PCDHGA6: variants seen among roughly 807,000 people sequenced by gnomAD.
The protein encoded by PCDHGA6 is protocadherin gamma-A6.
PCDHGA6 carries 41 observed loss-of-function variants against 60.6 expected under a neutral mutation model. The ratio of observed to expected loss-of-function variants is 0.68; its 90% CI spans 0.53 to 0.88. PCDHGA6 has a LOEUF of 0.88. PCDHGA6 is among the 40% of genes least tolerant of loss of function. The pLI, the probability that PCDHGA6 is intolerant of heterozygous loss-of-function variation, is 0.00. For synonymous variants in PCDHGA6, 594 were observed against 524.4 expected, an observed-to-expected ratio of 1.13 and a Z score of -1.81; for missense variants, 1,312 against 1,203.0, an observed-to-expected ratio of 1.09 and a Z score of -1.34.
intron 1 of PCDHGA6, among the ~76,000 whole-genome samples, chr5:141,488,190 G>A (rs1162264945): frequency 1.3e-5 from 2 of 152,164 alleles, no homozygotes; most frequent in African/African-American, 4.8e-5. Flanking sequence ...CTTTTGGTCT[G>A]GGTCTTAGGA....
At position 141,395,404 on chromosome 5, in the gene PCDHGA6, T is replaced by G. The variant is rs1482913976; in HGVS notation, c.2424+18897T>G. 24 of 836,172 alleles carry G rather than the reference T, an allele frequency of 2.9e-5. No homozygotes were observed. The East Asian group carries it at 6.2e-4, about 21-fold the overall frequency. 51.8% of individuals were successfully genotyped at this position (836,172 alleles called of 1,614,324 possible). A position where few individuals can be genotyped will look rare whatever the true frequency, so the allele number is the denominator to read the frequency against. ...CTATAAAATTGAACTCTAATAGTCA[T>G]AGGTTATTGTTTCATTTGCTTTTAA... On this transcript the variant is annotated intron_variant, in intron 1 of 3. Transcript: ENST00000517434.
chr5:141,426,882 C>T, intron 1 of PCDHGA6: 1 of 456,664 alleles, frequency 2.2e-6, no homozygotes, highest in South Asian at 1.5e-5. Flanking sequence ...GCCCCTGGGC[C>T]AGGAGCAACA....
At chr5:141,414,861 T>C in intron 1 of PCDHGA6, 1 of 1,614,118 alleles carries the variant, frequency 6.2e-7, no homozygotes, top group Admixed American at 1.7e-5. Context: ...AGAACGACAA[T>C]GCGCCCGAGA....
At chr5:141,456,492 G>C (rs542424798) in intron 1 of PCDHGA6, among the ~76,000 whole-genome samples, 1 of 152,284 alleles carries the variant, frequency 6.6e-6, no homozygotes, top group African/African-American at 2.4e-5. Flanking sequence ...GCTTAATAAA[G>C]GGGTTAACCA....
At chr5:141,433,082 T>C in intron 1 of PCDHGA6, 1 of 1,614,188 alleles carries the variant, frequency 6.2e-7, no homozygotes. Flanking sequence ...CCAGCCCAAC[T>C]ATGCAGACAT....
intron 1 of PCDHGA6, among the ~76,000 whole-genome samples, chr5:141,455,160 G>GTT (rs59530096): frequency 1.3e-4 from 20 of 149,232 alleles, no homozygotes; most frequent in South Asian, 1.1e-3. Flanking sequence ...TAGTTTGTTG[G>GTT]TTTTTTTTTT....
At chr5:141,414,320 A>C (rs372261571) in intron 1 of PCDHGA6, 7 of 1,613,840 alleles carry the variant, frequency 4.3e-6, no homozygotes, top group Non-Finnish European at 5.9e-6. Flanking sequence ...GACTCTGAGC[A>C]GAATGGACAG....
chr5:141,418,244 C>G (rs746986702), intron 1 of PCDHGA6: 1 of 1,613,980 alleles, frequency 6.2e-7, no homozygotes. Flanking sequence ...TGTTAATGAC[C>G]ACGCCCCTCA....
intron 1 of PCDHGA6, chr5:141,415,853 GTAGT>G: frequency 2.5e-6 from 3 of 1,186,350 alleles, no homozygotes; most frequent in Non-Finnish European, 3.3e-6. Context: ...GCAGAACCTT[GTAGT>G]TTATAGTGTT....
At chr5:141,384,886 G>A in intron 1 of PCDHGA6, 1 of 1,613,822 alleles carries the variant, frequency 6.2e-7, no homozygotes. Context: ...ACTCACCGTG[G>A]CTGTGGCTGA....
intron 1 of PCDHGA6, chr5:141,388,630 T>G (rs754073337): frequency 6.2e-7 from 1 of 1,613,816 alleles, no homozygotes; most frequent in Admixed American, 1.7e-5. Context: ...GTATACAGGG[T>G]GAGCCTTTCA....
chr5:141,451,716 T>C (rs947058540), intron 1 of PCDHGA6, among the ~76,000 whole-genome samples: 1 of 152,092 alleles, frequency 6.6e-6, no homozygotes, highest in Non-Finnish European at 1.5e-5. Context: ...ACCCTGCCTC[T>C]ACTAAAAATA....
chr5:141,398,183 T>C, intron 1 of PCDHGA6: 1 of 1,477,856 alleles, frequency 6.8e-7, no homozygotes, highest in South Asian at 1.4e-5. Flanking sequence ...GTGCTCTTTC[T>C]CTTCCTGCTG....
chr5:141,459,581 G>A (rs945690319), intron 1 of PCDHGA6, among the ~76,000 whole-genome samples: 1 of 152,138 alleles, frequency 6.6e-6, no homozygotes, highest in Non-Finnish European at 1.5e-5. Flanking sequence ...AATTGTTTTG[G>A]GGGTCATATG....
chr5:141,428,091 T>A lies in PCDHGA6; in HGVS notation c.2424+51584T>A, dbSNP rs769710543. 1.1e-5 allele frequency: 17 copies of A among 1,609,000 alleles called. No homozygotes were observed. In the African/African-American group the frequency reaches 1.5e-4, roughly 14 times the overall value. On this transcript the variant is annotated intron_variant, in intron 1 of 3. Transcript: ENST00000517434. ...AGATTCGGGACACAACGCTTGGCTGTCCTACCACGTGCTGCAGGCCATCGA... is the reference window on the plus strand; with the variant it reads ...AGATTCGGGACACAACGCTTGGCTGACCTACCACGTGCTGCAGGCCATCGA...
Position 141,410,050 on chromosome 5 carries a change from C to T in PCDHGA6, c.2424+33543C>T, listed in dbSNP as rs762077790. ...TGCTGCAGGCCAGTGAGCCCGGACT[C>T]TTCAGCCTGGGGCTGCGCACTGGGG... On this transcript the variant is annotated intron_variant, in intron 1 of 3. Coordinates refer to ENST00000517434, the MANE Select transcript of PCDHGA6 (RefSeq NM_018919.3). The T allele has an allele frequency of 6.2e-6, 10 of 1,613,180 alleles. No homozygotes were observed. In the East Asian group the frequency reaches 1.6e-4, roughly 25 times the overall value.
chr5:141,509,144 G>C (rs969990007), intron 3 of PCDHGA6, among the ~76,000 whole-genome samples: 14 of 152,114 alleles, frequency 9.2e-5, no homozygotes, highest in Admixed American at 2.0e-4. Context: ...GGCGCATCCC[G>C]GCTCTCCCCT....
In PCDHGA6 at chr5:141,432,613, G is replaced by A. The variant is rs1461837957; in HGVS notation, c.2424+56106G>A. 6.2e-7 allele frequency: 1 copy of A among 1,613,946 alleles called. No homozygotes were observed. The highest frequency in any genetic ancestry group is 1.3e-5 in the African/African-American group (1 of 75,056). On this transcript the variant is annotated intron_variant, in intron 1 of 3. Coordinates refer to ENST00000517434, the MANE Select transcript of PCDHGA6 (RefSeq NM_018919.3). The surrounding 1 kb of genome is among the most constrained non-coding windows in gnomAD (Gnocchi z 6.0). ...AGGCCAGCGAGCCGGGACTCTTCTC[G>A]GTGGGTCTGCACACGGGCGAGGTGC...
At chr5:141,403,172 C>T in intron 1 of PCDHGA6, 1 of 1,614,018 alleles carries the variant, frequency 6.2e-7, no homozygotes, top group Non-Finnish European at 8.5e-7. Context: ...TAGGACGCAG[C>T]TTTTCTCTCT....
Sources: allele counts gnomAD v4.1 joint callset (sites outside exome capture counted in the v4.1 genomes callset), GRCh38; gene constraint gnomAD v4.1.1; non-coding constraint Gnocchi (gnomAD v3.1); transcripts MANE v1.5; gene names NCBI Gene and HGNC (gene_info 2026-07-23, HGNC 2026-07-21).